The following FGD5 variants were observed in gnomAD, a reference collection of about 807,000 sequenced individuals.
FGD5 encodes FYVE, RhoGEF and PH domain containing 5.
Under a neutral mutation model 133.4 loss-of-function variants are expected in FGD5, and 28 were observed. The observed-to-expected ratio is 0.21, with a 90% confidence interval of 0.16 to 0.29. The LOEUF (loss-of-function observed/expected upper bound fraction) is 0.29. FGD5 is among the 10% of genes least tolerant of loss of function. The probability of loss-of-function intolerance (pLI) is 1.00; values close to 1 mark genes in which losing one functional copy is unlikely to be tolerated. For missense variants in FGD5, 1,858 were observed against 1,895.2 expected (o/e 0.98, Z 0.36); for synonymous variants, 810 against 776.5 (o/e 1.04, Z -0.72).
intron 4 of FGD5, chr3:14,897,201 T>TA (rs1559497655): frequency 4.0e-5 from 13 of 325,470 alleles, no homozygotes; most frequent in Non-Finnish European, 6.1e-5. Flanking sequence ...CTCTCCCCTA[T>TA]CTTGAAAAAG....
intron 4 of FGD5, 88 bp from the exon 5 acceptor site, chr3:14,897,421 G>T: frequency 6.7e-7 from 1 of 1,482,146 alleles, no homozygotes; most frequent in East Asian, 2.5e-5. Flanking sequence ...ACAGAGGCCA[G>T]GGCTCCAAAG....
intron 1 of FGD5, 118 bp downstream of exon 1, chr3:14,821,714 T>G: frequency 7.2e-7 from 1 of 1,387,178 alleles, no homozygotes; most frequent in East Asian, 2.5e-5. Flanking sequence ...TTACTAGCTG[T>G]GTTGACTTGG....
rs760241638 is a variant in FGD5, at chr3:14,917,342, T to C, written c.3489+10T>C. On this transcript the variant is annotated intron_variant, in intron 12 of 19. Coordinates refer to ENST00000285046, the MANE Select transcript of FGD5 (RefSeq NM_152536.4). This position sits in a 1 kb window ranked among gnomAD's most constrained non-coding sequence, Gnocchi z 4.1. Reference sequence around the variant, plus strand: ...TGTGGCCAACATGAAGGTAAATATCTGGTGCCAGGTACCCCCGGGTTGGGG... The same window carrying C: ...TGTGGCCAACATGAAGGTAAATATCCGGTGCCAGGTACCCCCGGGTTGGGG... 4 of 1,609,968 alleles carry C rather than the reference T, an allele frequency of 2.5e-6. No individual in the cohort carries two copies. The highest frequency in any genetic ancestry group is 3.4e-6 in the Non-Finnish European group (4 of 1,177,940).
chr3:14,890,536 G>A (rs1402559647), intron 4 of FGD5, among the ~76,000 whole-genome samples: 2 of 152,182 alleles, frequency 1.3e-5, no homozygotes, highest in African/African-American at 4.8e-5. Context: ...ATGATGATGG[G>A]CCCAAGTTGA....
intron 1 of FGD5, among the ~76,000 whole-genome samples, chr3:14,858,371 A>ATGGG (rs1447118403): frequency 1.3e-5 from 2 of 150,632 alleles, no homozygotes; most frequent in Non-Finnish European, 2.9e-5. Flanking sequence ...GGATGGATGG[A>ATGGG]TGGATGGATG....
At chr3:14,838,895 C>T (rs2036866003) in intron 1 of FGD5, among the ~76,000 whole-genome samples, 2 of 152,220 alleles carry the variant, frequency 1.3e-5, no homozygotes, top group Admixed American at 6.5e-5. Context: ...CCTACCCCCT[C>T]TGCCCCCTCC....
intron 1 of FGD5, among the ~76,000 whole-genome samples, chr3:14,853,055 C>T (rs1198644202): frequency 7.0e-6 from 1 of 142,598 alleles, no homozygotes; most frequent in East Asian, 2.3e-4. Context: ...GCAGGGTTTC[C>T]TGAGGAATCC....
At chr3:14,810,837 G>A (rs985104607), upstream of FGD5, 12 of 984,864 alleles carry the variant, frequency 1.2e-5, no homozygotes, top group South Asian at 4.7e-5. Flanking sequence ...GGCGGCCCGG[G>A]CCCCGCGCGC....
rs1480026475 is a variant in FGD5 at position 14,922,238 on chromosome 3, T to A, written c.3670-173T>A. 4.5e-6 allele frequency: 5 copies of A among 1,107,488 alleles called. No homozygotes were observed. The highest frequency in any genetic ancestry group is 5.1e-6 in the Non-Finnish European group (4 of 780,162). 68.6% of individuals were successfully genotyped at this position (1,107,488 alleles called of 1,614,324 possible). A position where few individuals can be genotyped will look rare whatever the true frequency, so the allele number is the denominator to read the frequency against. ...GTCTTGTTCTCACAGTCTGGCTGTTTCCCAACCAAGGGTGAGCATCCTGGA... is the reference window on the plus strand; with the variant it reads ...GTCTTGTTCTCACAGTCTGGCTGTTACCCAACCAAGGGTGAGCATCCTGGA... On this transcript the variant is annotated intron_variant, in intron 14 of 19. Transcript: ENST00000285046. This position sits in a 1 kb window ranked among gnomAD's most constrained non-coding sequence, Gnocchi z 4.1.
At chr3:14,910,627 A>G (rs1280049713) in intron 10 of FGD5, among the ~76,000 whole-genome samples, 2 of 152,210 alleles carry the variant, frequency 1.3e-5, no homozygotes, top group Middle Eastern at 3.2e-3. Context: ...TTTCAGGACT[A>G]TGATCCAAGC....
intron 4 of FGD5, chr3:14,882,434 A>G (rs1418260577): frequency 2.5e-6 from 2 of 795,000 alleles, no homozygotes; most frequent in African/African-American, 1.9e-5. Context: ...GCGATGGCTC[A>G]TGCCTGTAAT....
At chr3:14,825,105 C>T (rs576090264) in intron 1 of FGD5, among the ~76,000 whole-genome samples, 24 of 152,174 alleles carry the variant, frequency 1.6e-4, no homozygotes, top group Non-Finnish European at 2.8e-4. Flanking sequence ...GAGCCCTTAG[C>T]GACCCTGAAA....
Position 14,820,291 on chromosome 3 carries a change from G to A in FGD5, c.1220G>A (p.Gly407Asp). ...TCCCTACAGGGTGGAGCGGCCGAGG[G>A]TCCCGCAGCCCCTGATGTGGTGGTC... Reference protein sequence around the residue: ...CGSLQGGAAEGPAAPDVVVVL... With the variant: ...CGSLQGGAAEDPAAPDVVVVL... Residue 407 changes from glycine to aspartate, a missense_variant, in exon 1 of 20, where the codon GGT becomes GAT. This residue lies in a region of FGD5 where 1,824 missense variants were observed against 1,848.9 expected (regional missense o/e 0.99). Transcript: ENST00000285046. The A allele has an allele frequency of 3.7e-6, 6 of 1,605,494 alleles. No individual in the cohort carries two copies. Among genetic ancestry groups the A allele is most frequent in the Non-Finnish European group, 5.1e-6 (6 of 1,175,444 alleles).
At chr3:14,841,297 C>G (rs1391780874) in intron 1 of FGD5, among the ~76,000 whole-genome samples, 1 of 152,182 alleles carries the variant, frequency 6.6e-6, no homozygotes, top group Non-Finnish European at 1.5e-5. Flanking sequence ...ATGATTAAGA[C>G]AAGTGAAGAC....
intron 9 of FGD5, 34 bp from the exon 10 acceptor site, chr3:14,907,606 G>A (rs1433044958): frequency 1.9e-6 from 3 of 1,603,096 alleles, no homozygotes; most frequent in South Asian, 1.1e-5. Flanking sequence ...TAGGGGCCCT[G>A]ACCATCTCTC....
At chr3:14,816,623 C>T (rs569342221), upstream of FGD5, among the ~76,000 whole-genome samples, 7 of 152,180 alleles carry the variant, frequency 4.6e-5, no homozygotes, top group Non-Finnish European at 7.3e-5. Flanking sequence ...CAAAGGCTCC[C>T]TCTGTTACCC....
In FGD5 at chr3:14,867,178, C is replaced by G. The variant is rs542872979; in HGVS notation, c.2658+2918C>G. Among the ~76,000 whole-genome samples, 31 of 152,294 alleles carry G rather than the reference C, an allele frequency of 2.0e-4. No homozygotes were observed. The East Asian group carries it at 2.5e-3, about 12-fold the overall frequency. ...CCCCTCGAACTCTCATTCCTATTCCCCATTCCCTTAAACACACAGTATATT... is the reference window on the plus strand; with the variant it reads ...CCCCTCGAACTCTCATTCCTATTCCGCATTCCCTTAAACACACAGTATATT... On this transcript the variant is annotated intron_variant, in intron 2 of 19. Transcript: ENST00000285046.
Position 14,910,936 on chromosome 3 carries a change from G to A in FGD5, c.3405+7G>A. 6.2e-7 allele frequency: 1 copy of A among 1,610,094 alleles called. No homozygotes were observed. Among genetic ancestry groups the A allele is most frequent in the South Asian group, 1.1e-5 (1 of 90,166 alleles). Reference sequence around the variant, plus strand: ...GCCCCGGCACCTATTTCTGGTAAGTGCCCGGTCCCCAAGCCCAGCTCAGGA... The same window carrying A: ...GCCCCGGCACCTATTTCTGGTAAGTACCCGGTCCCCAAGCCCAGCTCAGGA... On this transcript the variant is annotated splice_region_variant and intron_variant, in intron 11 of 19. Coordinates refer to ENST00000285046, the MANE Select transcript of FGD5 (RefSeq NM_152536.4).
At chr3:14,916,905 T>C (rs1193922471) in intron 11 of FGD5, among the ~76,000 whole-genome samples, 1 of 152,256 alleles carries the variant, frequency 6.6e-6, no homozygotes, top group African/African-American at 2.4e-5. Flanking sequence ...CTGGCTGCTA[T>C]AAGGTATTCT....
Sources: gnomAD v4.1 joint callset for allele counts (sites outside exome capture counted in the v4.1 genomes callset) on GRCh38, gnomAD v4.1.1 for gene constraint, gnomAD v4.1.1 regional missense constraint, Gnocchi (gnomAD v3.1) non-coding constraint, MANE v1.5 for transcripts, NCBI Gene and HGNC (gene_info 2026-07-23, HGNC 2026-07-21) for gene names.